Variants in TRABD2A observed in about 807,000 individuals in gnomAD.
TRABD2A encodes the protein metalloprotease TIKI1.
TRABD2A carries 43 observed loss-of-function variants against 45.6 expected under a neutral mutation model. The ratio of observed to expected loss-of-function variants is 0.94; its 90% CI spans 0.74 to 1.22. TRABD2A has a LOEUF of 1.22. Ranked by LOEUF, TRABD2A falls within the 50% of genes most tolerant of loss-of-function variation. The probability of loss-of-function intolerance (pLI) is 0.00; values close to 1 mark genes in which losing one functional copy is unlikely to be tolerated. For synonymous variants in TRABD2A, 269 were observed against 265.0 expected (o/e 1.02, Z -0.15); for missense variants, 642 against 652.4 (o/e 0.98, Z 0.17).
At chr2:84,842,108 T>C in intron 2 of TRABD2A, 101 bp from the exon 3 acceptor site, 1 of 1,278,308 alleles carries the variant, frequency 7.8e-7, no homozygotes, top group Admixed American at 3.1e-5. Context: ...TTTGTGCTCG[T>C]TATGTAAGGA....
chr2:84,838,252 G>A lies in TRABD2A; in HGVS notation c.991+897C>T, dbSNP rs530698229. The A allele has an allele frequency of 4.2e-6, 3 of 717,366 alleles. No homozygotes were observed. In the African/African-American group the frequency reaches 5.2e-5, roughly 13 times the overall value. The allele number at this position is 717,366 out of a possible 1,614,324, so 44.4% of individuals were successfully genotyped here. Reference sequence around the variant, plus strand: ...AAGGCTACTGTGAAGCTGGGAAAAGGGAGATAAAAACAGAACAAGTTAAAA... The same window carrying A: ...AAGGCTACTGTGAAGCTGGGAAAAGAGAGATAAAAACAGAACAAGTTAAAA... On this transcript the variant is annotated intron_variant, in intron 4 of 6. Transcript: ENST00000409520.
chr2:84,878,792 C>T (rs146240456), intron 1 of TRABD2A, among the ~76,000 whole-genome samples: 193 of 152,274 alleles, frequency 1.3e-3, no homozygotes, highest in African/African-American at 4.5e-3. Flanking sequence ...ATCTCAAGAC[C>T]CCAACCCACT....
intron 2 of TRABD2A, among the ~76,000 whole-genome samples, chr2:84,848,218 T>G (rs1681962356): frequency 6.6e-6 from 1 of 152,044 alleles, no homozygotes; most frequent in Admixed American, 6.6e-5. Context: ...TGGTAAAAAT[T>G]TTAAACAGTG....
intron 2 of TRABD2A, among the ~76,000 whole-genome samples, chr2:84,846,190 G>A (rs904582446): frequency 6.6e-6 from 1 of 152,184 alleles, no homozygotes; most frequent in Admixed American, 6.5e-5. Context: ...ACAGTGGGCT[G>A]TGCATCAGAG....
chr2:84,845,089 A>G, intron 2 of TRABD2A, among the ~76,000 whole-genome samples: 1 of 152,182 alleles, frequency 6.6e-6, no homozygotes, highest in East Asian at 1.9e-4. Flanking sequence ...GGTGGCTCAC[A>G]CCTGTGATCC....
intron 2 of TRABD2A, among the ~76,000 whole-genome samples, chr2:84,866,520 A>C (rs993178031): frequency 6.6e-6 from 1 of 152,200 alleles, no homozygotes; most frequent in African/African-American, 2.4e-5. Flanking sequence ...TAGGAAACCA[A>C]GAAGAAAAAC....
chr2:84,851,561 T>G (rs1241687985), intron 2 of TRABD2A, among the ~76,000 whole-genome samples: 1 of 152,270 alleles, frequency 6.6e-6, no homozygotes, highest in Non-Finnish European at 1.5e-5. Context: ...TTGTAAGACA[T>G]TTTTAACTAT....
At chr2:84,840,352 G>GC (rs908164646) in intron 3 of TRABD2A, among the ~76,000 whole-genome samples, 1 of 151,916 alleles carries the variant, frequency 6.6e-6, no homozygotes, top group Non-Finnish European at 1.5e-5. Context: ...CTTCAGCAGA[G>GC]CCCCCCTCTC....
chr2:84,866,462 C>A lies in TRABD2A; in HGVS notation c.669+3763G>T, dbSNP rs140259761. On this transcript the variant is annotated intron_variant, in intron 2 of 6. Transcript: ENST00000409520. Reference sequence around the variant, plus strand: ...CCTCTGCTAGCCCTTCTGTTTTATGCTTCTGTCCTCTTTTCCTTTAACTTC... The same window carrying A: ...CCTCTGCTAGCCCTTCTGTTTTATGATTCTGTCCTCTTTTCCTTTAACTTC... Among the ~76,000 whole-genome samples, 641 of 152,312 alleles carry A rather than the reference C, an allele frequency of 4.2e-3. 4 individuals carry two copies. The highest frequency in any genetic ancestry group is 0.014 in the African/African-American group (575 of 41,564).
intron 1 of TRABD2A, among the ~76,000 whole-genome samples, chr2:84,876,406 G>A (rs1232852647): frequency 6.6e-6 from 1 of 152,228 alleles, no homozygotes; most frequent in African/African-American, 2.4e-5. Flanking sequence ...AGGTTGCTGG[G>A]AAAATCAGAA....
chr2:84,848,419 T>C (rs6745305), intron 2 of TRABD2A, among the ~76,000 whole-genome samples: 24,998 of 134,020 alleles, frequency 0.19, 2,339 homozygotes, highest in Non-Finnish European at 0.22. Flanking sequence ...GACAGATAGA[T>C]AGTCTCCACT....
At chr2:84,879,479 C>T in intron 1 of TRABD2A, 1 of 508,142 alleles carries the variant, frequency 2.0e-6, no homozygotes, top group Non-Finnish European at 2.5e-6. Flanking sequence ...CCATGCCGGG[C>T]TTCTTTGATA....
chr2:84,869,232 G>A (rs1682790081), intron 2 of TRABD2A, among the ~76,000 whole-genome samples: 1 of 152,140 alleles, frequency 6.6e-6, no homozygotes, highest in Non-Finnish European at 1.5e-5. Flanking sequence ...AAATTCTGAG[G>A]AACAAAACCT....
chr2:84,829,814 C>T (rs1681271997), intron 5 of TRABD2A, among the ~76,000 whole-genome samples: 1 of 150,890 alleles, frequency 6.6e-6, no homozygotes, highest in Non-Finnish European at 1.5e-5. Context: ...ACCCCTCACA[C>T]ACAGGTACCA....
At chr2:84,867,423 C>T (rs573318022) in intron 2 of TRABD2A, among the ~76,000 whole-genome samples, 24 of 152,212 alleles carry the variant, frequency 1.6e-4, no homozygotes, top group African/African-American at 5.3e-4. Context: ...ACACCTTATA[C>T]AAAAATTAAT....
At chr2:84,873,827 C>T (rs1682944874) in intron 1 of TRABD2A, among the ~76,000 whole-genome samples, 1 of 152,186 alleles carries the variant, frequency 6.6e-6, no homozygotes, top group South Asian at 2.1e-4. Flanking sequence ...TGTCTGGGGA[C>T]CACTGACCTA....
intron 3 of TRABD2A, among the ~76,000 whole-genome samples, chr2:84,839,982 G>A (rs1309435268): frequency 6.6e-6 from 1 of 152,100 alleles, no homozygotes; most frequent in Non-Finnish European, 1.5e-5. Flanking sequence ...CTGGCACTCT[G>A]TGTTTTCTCC....
At chr2:84,829,062 C>G (rs555015624) in intron 5 of TRABD2A, among the ~76,000 whole-genome samples, 2 of 152,114 alleles carry the variant, frequency 1.3e-5, no homozygotes, top group African/African-American at 4.8e-5. Context: ...TGTGCTATTT[C>G]CTGGTCCTGG....
intron 2 of TRABD2A, among the ~76,000 whole-genome samples, chr2:84,857,852 G>C (rs1218837327): frequency 1.3e-5 from 2 of 152,144 alleles, no homozygotes; most frequent in African/African-American, 2.4e-5. Context: ...CAGCACTGCT[G>C]TGTGCTATCC....
Sources: allele counts gnomAD v4.1 joint callset (sites outside exome capture counted in the v4.1 genomes callset), GRCh38; gene constraint gnomAD v4.1.1; transcripts MANE v1.5; gene names NCBI Gene and HGNC (gene_info 2026-07-23, HGNC 2026-07-21).